DSC3: variants seen among roughly 807,000 people sequenced by gnomAD.
The protein encoded by DSC3 is desmocollin-3.
In DSC3, 97 loss-of-function variants were observed where a neutral mutation model predicts 89.5. That is an observed-to-expected ratio of 1.08 (90% CI 0.92 to 1.28). The LOEUF is 1.28. Among genes scored for constraint, DSC3 ranks in the 50% most tolerant of loss-of-function variants. DSC3 has a pLI of 0.00. For synonymous variants in DSC3, 436 were observed against 384.1 expected (o/e 1.14, Z -1.58); for missense variants, 1,199 against 1,085.3 (o/e 1.10, Z -1.47).
chr18:31,023,173 T>C (rs541487483), intron 6 of DSC3, among the ~76,000 whole-genome samples: 1 of 152,062 alleles, frequency 6.6e-6, no homozygotes, highest in Non-Finnish European at 1.5e-5. Flanking sequence ...ATTACCCCTT[T>C]TTGAAAAAGG....
At chr18:31,001,077 C>CTT (rs1984638688) in intron 14 of DSC3, among the ~76,000 whole-genome samples, 1 of 65,192 alleles carries the variant, frequency 1.5e-5, no homozygotes, top group Admixed American at 1.4e-4. Flanking sequence ...TTTATATATA[C>CTT]TTTGTGTGTG....
At chr18:30,996,109 C>T (rs954951396) in intron 15 of DSC3, among the ~76,000 whole-genome samples, 2 of 150,382 alleles carry the variant, frequency 1.3e-5, no homozygotes, top group African/African-American at 4.9e-5. Context: ...AAAATAAAAG[C>T]ACTTTACATT....
intron 9 of DSC3, among the ~76,000 whole-genome samples, chr18:31,010,475 A>T (rs1159031073): frequency 6.6e-6 from 1 of 152,210 alleles, no homozygotes; most frequent in Non-Finnish European, 1.5e-5. Context: ...TTCGAGGCTT[A>T]AGATGGATAT....
At chr18:31,021,251 G>C (rs1192738666) in intron 7 of DSC3, among the ~76,000 whole-genome samples, 2 of 151,894 alleles carry the variant, frequency 1.3e-5, no homozygotes, top group African/African-American at 4.8e-5. Context: ...TAAAAAATTT[G>C]ATGACTAAAA....
chr18:31,008,098 G>C lies in DSC3; in HGVS notation c.1581C>G (p.Ile527Met). The C allele has an allele frequency of 1.2e-6, 2 of 1,612,630 alleles. No homozygotes were observed. Among genetic ancestry groups the C allele is most frequent in the Non-Finnish European group, 1.7e-6 (2 of 1,179,418 alleles). ...CCCTATCCAGGATTTTGGAAGTTAT[G>C]ATTGACCCTGAAATTTCATCAATGG... ...WITIDEISGSIITSKILDREV... is the reference protein window; with the variant it reads ...WITIDEISGSMITSKILDREV... The change falls in exon 11 of 16, where the codon ATC (isoleucine) becomes ATG (methionine). Residue 527 changes from isoleucine (I) to methionine (M), a missense_variant. Ile to Met is a conservative substitution (Grantham distance 10, BLOSUM62 1). Transcript: ENST00000360428.
intron 10 of DSC3, 53 bp downstream of exon 10, chr18:31,008,216 A>G: frequency 1.2e-6 from 2 of 1,610,258 alleles, no homozygotes; most frequent in South Asian, 2.2e-5. Flanking sequence ...ATAAGTTACT[A>G]TCTCAATGAT....
intron 9 of DSC3, among the ~76,000 whole-genome samples, chr18:31,008,799 T>C (rs1388821312): frequency 2.0e-5 from 3 of 152,162 alleles, no homozygotes; most frequent in African/African-American, 7.2e-5. Flanking sequence ...GGAAAATTAC[T>C]CTGATTCAAA....
intron 1 of DSC3, among the ~76,000 whole-genome samples, chr18:31,039,744 G>A (rs1986075865): frequency 6.6e-6 from 1 of 152,108 alleles, no homozygotes; most frequent in Non-Finnish European, 1.5e-5. Flanking sequence ...CCAAAAATGT[G>A]CATGAGCTTA....
At chr18:31,015,743 T>C (rs1323634701) in intron 9 of DSC3, among the ~76,000 whole-genome samples, 1 of 152,186 alleles carries the variant, frequency 6.6e-6, no homozygotes, top group African/African-American at 2.4e-5. Context: ...CTTGGGTCTC[T>C]GACAGAAGCT....
intron 9 of DSC3, among the ~76,000 whole-genome samples, chr18:31,009,261 T>TAGTC (rs35510670): frequency 0.4 from 60,161 of 151,484 alleles, 12,773 homozygotes; most frequent in East Asian, 0.74. Context: ...TCTGCCATCT[T>TAGTC]AGGCTGGTCT....
intron 4 of DSC3, among the ~76,000 whole-genome samples, chr18:31,026,817 G>A (rs1287497954): frequency 6.6e-6 from 1 of 152,066 alleles, no homozygotes; most frequent in Non-Finnish European, 1.5e-5. Flanking sequence ...TCAGGACAAG[G>A]GAATGTGAAC....
At chr18:31,000,532 A>G (rs1984617644) in intron 14 of DSC3, among the ~76,000 whole-genome samples, 1 of 152,212 alleles carries the variant, frequency 6.6e-6, no homozygotes, top group Non-Finnish European at 1.5e-5. Context: ...TGCAGCATTT[A>G]GAAGTCCTAT....
At chr18:31,007,710 G>A (rs1208198918) in intron 11 of DSC3, among the ~76,000 whole-genome samples, 7 of 152,098 alleles carry the variant, frequency 4.6e-5, no homozygotes, top group Non-Finnish European at 4.4e-5. Flanking sequence ...TGACACAAAC[G>A]GATGTGGAAG....
intron 7 of DSC3, among the ~76,000 whole-genome samples, chr18:31,020,741 G>A (rs1985391186): frequency 6.6e-6 from 1 of 151,856 alleles, no homozygotes; most frequent in African/African-American, 2.4e-5. Flanking sequence ...TGCAGGAGTC[G>A]AGACCAGCCT....
intron 15 of DSC3, 101 bp downstream of exon 15, chr18:30,996,690 A>G: frequency 7.1e-7 from 1 of 1,412,190 alleles, no homozygotes; most frequent in South Asian, 1.3e-5. Context: ...AGCAAGAGAG[A>G]GCCCACAGAA....
intron 15 of DSC3, among the ~76,000 whole-genome samples, chr18:30,995,507 A>T (rs1747072997): frequency 3.3e-5 from 5 of 152,190 alleles, no homozygotes; most frequent in Admixed American, 2.6e-4. Context: ...CTGATAAAAG[A>T]GGTAAAAATT....
chr18:31,006,803 G>A (rs1292406306), intron 12 of DSC3, 104 bp downstream of exon 12: 3 of 893,880 alleles, frequency 3.4e-6, no homozygotes, highest in African/African-American at 3.4e-5. Flanking sequence ...ATATATTAAT[G>A]AGACTCAGTT....
intron 1 of DSC3, among the ~76,000 whole-genome samples, chr18:31,042,345 G>C (rs867893488): frequency 1.3e-5 from 2 of 152,192 alleles, no homozygotes; most frequent in South Asian, 4.1e-4. Flanking sequence ...GCCTGAGCGC[G>C]ACTCAGAATT....
chr18:31,012,096 T>C (rs1985089966), intron 9 of DSC3, among the ~76,000 whole-genome samples: 1 of 151,760 alleles, frequency 6.6e-6, no homozygotes, highest in South Asian at 2.1e-4. Flanking sequence ...GTGATAATAA[T>C]TCAGCTTTTC....
Sources: gnomAD v4.1 joint callset for allele counts (sites outside exome capture counted in the v4.1 genomes callset) on GRCh38, gnomAD v4.1.1 for gene constraint, MANE v1.5 for transcripts, NCBI Gene and HGNC (gene_info 2026-07-23, HGNC 2026-07-21) for gene names.